Variants in AK9 observed in about 807,000 individuals in gnomAD.
The protein encoded by AK9 is adenylate kinase domain containing 1.
AK9 carries 191 observed loss-of-function variants against 239.6 expected under a neutral mutation model. That is an observed-to-expected ratio of 0.80 (90% CI 0.71 to 0.90). The LOEUF is 0.90. Among genes scored for constraint, AK9 ranks in the 40% least tolerant of loss-of-function variants. The pLI is 0.00. For synonymous variants in AK9, 689 were observed against 721.0 expected (o/e 0.96, Z 0.71); for missense variants, 1,995 against 2,214.7 (o/e 0.90, Z 1.99).
chr6:109,647,743 T>C (rs1798281314), intron 8 of AK9, among the ~76,000 whole-genome samples: 2 of 152,296 alleles, frequency 1.3e-5, no homozygotes, highest in South Asian at 4.1e-4. Context: ...GCAGATCTAA[T>C]AGACATCTAC....
At chr6:109,660,962 T>G (rs534260419) in intron 6 of AK9, 2 of 507,706 alleles carry the variant, frequency 3.9e-6, no homozygotes, top group South Asian at 2.9e-5. Flanking sequence ...TAGAACATGA[T>G]GAAAGCCATA....
chr6:109,546,199 A>G (rs1035062934), intron 25 of AK9, 72 bp from the exon 26 acceptor site: 3 of 1,377,634 alleles, frequency 2.2e-6, no homozygotes, highest in Non-Finnish European at 3.0e-6. Flanking sequence ...TGAGTAATTT[A>G]GAACACATAA....
At chr6:109,587,668 T>C (rs1019389732) in intron 17 of AK9, among the ~76,000 whole-genome samples, 4 of 152,252 alleles carry the variant, frequency 2.6e-5, no homozygotes, top group Non-Finnish European at 2.9e-5. Context: ...TCCATGTTAC[T>C]GCAAAAGACA....
intron 24 of AK9, among the ~76,000 whole-genome samples, chr6:109,561,899 T>C (rs530138880): frequency 1.2e-4 from 18 of 152,120 alleles, no homozygotes; most frequent in Non-Finnish European, 2.4e-4. Flanking sequence ...ACTTGGCCAT[T>C]TTCTCTTCAA....
chr6:109,572,915 C>T (rs1787608338), intron 21 of AK9, among the ~76,000 whole-genome samples: 2 of 152,128 alleles, frequency 1.3e-5, no homozygotes, highest in African/African-American at 2.4e-5. Flanking sequence ...CTTGCCCCAT[C>T]CACCAAATGA....
chr6:109,620,163 G>A lies in AK9; in HGVS notation c.1255-927C>T, dbSNP rs528560781. ...TGGTTATGTGTTTCCACTTCTCTTG[G>A]GTAAATACCTAGGAGTGAAATTCCT... On this transcript the variant is annotated intron_variant, in intron 12 of 40. Coordinates refer to ENST00000424296, the MANE Select transcript of AK9 (RefSeq NM_001145128.3). 9.2e-5 allele frequency among the ~76,000 whole-genome samples: 14 copies of A among 152,130 alleles called. No individual in the cohort carries two copies. The South Asian group carries it at 2.7e-3, about 29-fold the overall frequency.
At chr6:109,503,893 C>T (rs1777844013) in intron 35 of AK9, among the ~76,000 whole-genome samples, 1 of 152,176 alleles carries the variant, frequency 6.6e-6, no homozygotes, top group African/African-American at 2.4e-5. Flanking sequence ...CCTGGACCCT[C>T]CCCCCACTTT....
intron 24 of AK9, among the ~76,000 whole-genome samples, chr6:109,554,048 A>G (rs1278178474): frequency 6.6e-6 from 1 of 152,190 alleles, no homozygotes; most frequent in Non-Finnish European, 1.5e-5. Flanking sequence ...CCAGGGATGA[A>G]GCCAACTTGA....
chr6:109,509,187 A>T lies in AK9; in HGVS notation c.4473T>A (p.Asn1491Lys), dbSNP rs1488900863. ...LELSLMESVC[N>K]TAGVVIDGYP... ...TCACCCCATTCACTTACCCTGCAGT[A>T]TTGCACACACTTTCCATCAGAGAAA... Residue 1491 changes from asparagine to lysine, a missense_variant, in exon 33 of 41, where the codon AAT (asparagine) becomes AAA (lysine). This residue lies in a region of AK9 where 45 missense variants were observed against 80.5 expected (regional missense o/e 0.56). Transcript: ENST00000424296. 6.4e-7 allele frequency: 1 copy of T among 1,552,056 alleles called. No homozygotes were observed. The highest frequency in any genetic ancestry group is 8.7e-7 in the Non-Finnish European group (1 of 1,147,076).
intron 8 of AK9, among the ~76,000 whole-genome samples, chr6:109,650,709 G>C (rs1410163107): frequency 6.6e-6 from 1 of 152,198 alleles, no homozygotes; most frequent in Non-Finnish European, 1.5e-5. Context: ...AATACCATTT[G>C]ACCCAGCCAT....
Position 109,493,453 on chromosome 6 carries a change from C to CTTGTAT in AK9, c.5646_5651dup (p.Tyr1883_Lys1884dup). 1 of 1,614,128 alleles carries CTTGTAT rather than the reference C, an allele frequency of 6.2e-7. No homozygotes were observed. On this transcript the variant is annotated inframe_insertion, in exon 41 of 41. Coordinates refer to ENST00000424296, the MANE Select transcript of AK9 (RefSeq NM_001145128.3). ...AGTCAATGGCTCTGAACTGAGGTTC[C>CTTGTAT]TTGTATTTTCTGGTCATCTTGGCAC...
At chr6:109,683,182 C>T (rs1018012022) in intron 1 of AK9, among the ~76,000 whole-genome samples, 1 of 152,116 alleles carries the variant, frequency 6.6e-6, no homozygotes, top group African/African-American at 2.4e-5. Context: ...AAAATGCCTT[C>T]AACAAAATTC....
intron 15 of AK9, 77 bp from the exon 16 acceptor site, chr6:109,612,170 A>G: frequency 1.0e-6 from 1 of 972,098 alleles, no homozygotes; most frequent in Admixed American, 3.0e-5. Flanking sequence ...AGATTGTAAT[A>G]TAAGCCTAGG....
At chr6:109,629,769 A>G (rs1007988412) in intron 12 of AK9, among the ~76,000 whole-genome samples, 3 of 151,946 alleles carry the variant, frequency 2.0e-5, no homozygotes, top group Admixed American at 6.6e-5. Flanking sequence ...AGTAGCTGGG[A>G]CTACAGGCGC....
chr6:109,518,684 T>G (rs1026014174), intron 29 of AK9, among the ~76,000 whole-genome samples: 5 of 151,996 alleles, frequency 3.3e-5, no homozygotes, highest in African/African-American at 1.2e-4. Context: ...ATATATATAT[T>G]TAATTACATC....
chr6:109,497,028 G>T (rs540434476), intron 38 of AK9, among the ~76,000 whole-genome samples: 1 of 152,048 alleles, frequency 6.6e-6, no homozygotes, highest in Admixed American at 6.5e-5. Flanking sequence ...CCTTCACTCC[G>T]TCCCCTCTCC....
chr6:109,601,255 C>A (rs954113825), intron 17 of AK9, among the ~76,000 whole-genome samples: 2 of 152,102 alleles, frequency 1.3e-5, no homozygotes, highest in Admixed American at 1.3e-4. Context: ...TAAATGTATC[C>A]CAGAGATTCT....
intron 27 of AK9, among the ~76,000 whole-genome samples, chr6:109,536,037 C>G (rs1440568047): frequency 1.3e-5 from 2 of 152,108 alleles, no homozygotes; most frequent in African/African-American, 2.4e-5. Flanking sequence ...AGTCAGGTAG[C>G]GTGATGCCTC....
chr6:109,604,630 T>G (rs1792593979), intron 17 of AK9, among the ~76,000 whole-genome samples: 2 of 152,326 alleles, frequency 1.3e-5, no homozygotes, highest in Admixed American at 6.5e-5. Context: ...CATATTTTAC[T>G]AGTTAGTAGA....
Sources: allele counts gnomAD v4.1 joint callset (sites outside exome capture counted in the v4.1 genomes callset), GRCh38; gene constraint gnomAD v4.1.1; regional missense constraint gnomAD v4.1.1; transcripts MANE v1.5; gene names NCBI Gene and HGNC (gene_info 2026-07-23, HGNC 2026-07-21).